The following GANC variants were observed in gnomAD, a reference collection of about 807,000 sequenced individuals.
The protein encoded by GANC is neutral alpha-glucosidase C.
In GANC, 117 loss-of-function variants were observed where a neutral mutation model predicts 124.2. The observed-to-expected ratio is 0.94, with a 90% CI of 0.81 to 1.10. The LOEUF is 1.10. Ranked by LOEUF, GANC falls within the 50% of genes least tolerant of loss-of-function variation. GANC has a pLI of 0.00. For synonymous variants in GANC, 377 were observed against 376.8 expected, an observed-to-expected ratio of 1.00 and a Z score of -0.01; for missense variants, 1,140 against 1,095.0, an observed-to-expected ratio of 1.04 and a Z score of -0.58.
chr15:42,291,146 A>G (rs1470385741), intron 4 of GANC, among the ~76,000 whole-genome samples: 2 of 152,054 alleles, frequency 1.3e-5, no homozygotes, highest in African/African-American at 4.8e-5. Context: ...AAATTATAAG[A>G]CTATATAATG....
intron 6 of GANC, among the ~76,000 whole-genome samples, chr15:42,302,244 A>G (rs1380072948): frequency 6.6e-6 from 1 of 152,244 alleles, no homozygotes; most frequent in African/African-American, 2.4e-5. Context: ...AAACTTCAGC[A>G]GACGTGCAGC....
intron 15 of GANC, among the ~76,000 whole-genome samples, chr15:42,334,551 T>G (rs1595781856): frequency 1.3e-5 from 2 of 152,100 alleles, no homozygotes; most frequent in African/African-American, 2.4e-5. Flanking sequence ...AATGACAAAT[T>G]AGACTTTATC....
chr15:42,306,507 A>G lies in GANC; in HGVS notation c.559-39A>G, dbSNP rs141667276. 3,818 of 1,523,694 alleles carry G rather than the reference A, an allele frequency of 2.5e-3. 102 individuals carry two copies. The East Asian group carries it at 0.047, about 19-fold the overall frequency. The allele number at this position is 1,523,694 out of a possible 1,614,324, so 94.4% of individuals were successfully genotyped here. A position where few individuals can be genotyped will look rare whatever the true frequency, so the allele number is the denominator to read the frequency against. On this transcript the variant is annotated intron_variant, in intron 6 of 23. Coordinates refer to ENST00000318010, the MANE Select transcript of GANC (RefSeq NM_198141.3). ...TATTGTGGTAAACACATTTGTTGCA[A>G]TTTGTAAACTCAGTTTGCTCCCTTT...
At chr15:42,314,159 C>G (rs945216746) in intron 10 of GANC, 1 of 761,448 alleles carries the variant, frequency 1.3e-6, no homozygotes, top group African/African-American at 1.7e-5. Context: ...AAGAAAAATT[C>G]AGATTGGATA....
At chr15:42,333,366 G>A (rs1297501348) in intron 15 of GANC, among the ~76,000 whole-genome samples, 4 of 151,510 alleles carry the variant, frequency 2.6e-5, no homozygotes, top group Admixed American at 1.3e-4. Context: ...GCCATAGGGC[G>A]GCCTAAAATT....
Position 42,292,914 on chromosome 15 carries a change from A to G in GANC, c.509A>G (p.Gln170Arg). 1.2e-6 allele frequency: 2 copies of G among 1,613,672 alleles called. No homozygotes were observed. The highest frequency in any genetic ancestry group is 1.7e-6 in the Non-Finnish European group (2 of 1,179,614). ...YFEHLQILHK[Q>R]RAAKENEEET... ...GAGCATCTACAGATTCTTCACAAAC[A>G]AAGGTATTCTTATGCATTACTTGAC... The change falls in exon 5 of 24, where the codon CAA becomes CGA. Residue 170 changes from glutamine to arginine, a missense_variant. Coordinates refer to ENST00000318010, the MANE Select transcript of GANC (RefSeq NM_198141.3).
At chr15:42,284,333 A>C in intron 3 of GANC, 1 of 262,550 alleles carries the variant, frequency 3.8e-6, no homozygotes, top group Non-Finnish European at 7.2e-6. Context: ...AGACATAGAC[A>C]AAGCTATTTC....
At chr15:42,297,557 A>G (rs935829538) in intron 5 of GANC, 54 bp from the exon 6 acceptor site, 1 of 1,408,102 alleles carries the variant, frequency 7.1e-7, no homozygotes. Context: ...ATCATTGAAC[A>G]AAATTCTGTC....
chr15:42,285,586 G>T (rs1595763672), intron 3 of GANC, among the ~76,000 whole-genome samples: 1 of 152,154 alleles, frequency 6.6e-6, no homozygotes, highest in Admixed American at 6.6e-5. Flanking sequence ...CTGGAGGTCA[G>T]GAGTTTGAGA....
chr15:42,310,029 A>G (rs532010427), intron 8 of GANC, among the ~76,000 whole-genome samples: 2 of 152,226 alleles, frequency 1.3e-5, no homozygotes, highest in African/African-American at 4.8e-5. Context: ...GAAAAAAGAA[A>G]AAGGAGATAT....
Position 42,273,343 on chromosome 15 carries a change from G to C in GANC, c.-1139G>C. ...GAAAAACGACAGTGGTGACGGGTGA[G>C]CTCCCAGAAGCAGAAGAATGACAGG... On this transcript the variant is annotated 5_prime_UTR_variant, in exon 1 of 24. Transcript: ENST00000318010. 1 of 1,614,118 alleles carries C rather than the reference G, an allele frequency of 6.2e-7. No individual in the cohort carries two copies. Among genetic ancestry groups the C allele is most frequent in the Non-Finnish European group, 8.5e-7 (1 of 1,180,034 alleles).
At chr15:42,320,385 C>G (rs773611952) in intron 10 of GANC, among the ~76,000 whole-genome samples, 1 of 151,966 alleles carries the variant, frequency 6.6e-6, no homozygotes, top group Non-Finnish European at 1.5e-5. Flanking sequence ...TGCATTGTTC[C>G]TGTTTTCTTG....
chr15:42,349,462 A>G lies in GANC; in HGVS notation c.2498A>G (p.Lys833Arg), dbSNP rs763854497. Reference sequence around the variant, plus strand: ...CACCAGAAGCAATTTTTGCACAGGAAGTTTTCATTCTGTTCCAGTGTTCTG... The same window carrying G: ...CACCAGAAGCAATTTTTGCACAGGAGGTTTTCATTCTGTTCCAGTGTTCTG... Reference protein sequence around the residue: ...YLHQKQFLHRKFSFCSSVLIN... With the variant: ...YLHQKQFLHRRFSFCSSVLIN... Residue 833 changes from lysine to arginine, a missense_variant, in exon 22 of 24, where the codon AAG becomes AGG. Lys to Arg is a conservative substitution (Grantham distance 26). Transcript: ENST00000318010. 2 of 1,612,528 alleles carry G rather than the reference A, an allele frequency of 1.2e-6. No homozygotes were observed. Among genetic ancestry groups the G allele is most frequent in the South Asian group, 1.1e-5 (1 of 91,044 alleles).
intron 7 of GANC, among the ~76,000 whole-genome samples, chr15:42,307,224 G>C (rs1194956029): frequency 1.3e-5 from 2 of 151,954 alleles, no homozygotes; most frequent in African/African-American, 4.8e-5. Flanking sequence ...TCCCATTCTA[G>C]CCATCATTAT....
intron 3 of GANC, 60 bp from the exon 4 acceptor site, chr15:42,287,631 T>G: frequency 1.9e-6 from 3 of 1,557,666 alleles, no homozygotes; most frequent in South Asian, 1.2e-5. Flanking sequence ...TTGTAATTGG[T>G]GCAAAATTGG....
intron 4 of GANC, among the ~76,000 whole-genome samples, chr15:42,291,643 T>G (rs903875799): frequency 6.6e-6 from 1 of 152,128 alleles, no homozygotes; most frequent in Non-Finnish European, 1.5e-5. Context: ...CTGATTTCAG[T>G]GGAGATAATG....
intron 6 of GANC, 74 bp downstream of exon 6, chr15:42,297,730 T>G: frequency 2.7e-6 from 3 of 1,106,468 alleles, no homozygotes; most frequent in African/African-American, 1.6e-5. Context: ...AGGAATTCTC[T>G]TTCTTCCTTC....
At position 42,280,779 on chromosome 15, in the gene GANC, T is replaced by G. The variant is rs572902155; in HGVS notation, c.201+2189T>G. On this transcript the variant is annotated intron_variant, in intron 3 of 23. Coordinates refer to ENST00000318010, the MANE Select transcript of GANC (RefSeq NM_198141.3). ...AAATGAGGCAAAATCACCCGGAATA[T>G]CAGTGGTGAGCCGAAATGAAAATTC... The G allele has an allele frequency of 4.0e-5, 24 of 605,514 alleles. No individual in the cohort carries two copies. The African/African-American group carries it at 4.1e-4, about 10-fold the overall frequency. The allele number at this position is 605,514 out of a possible 1,614,324, so 37.5% of individuals were successfully genotyped here. A position where few individuals can be genotyped will look rare whatever the true frequency, so the allele number is the denominator to read the frequency against.
chr15:42,333,281 T>C (rs917946851), intron 15 of GANC, among the ~76,000 whole-genome samples: 2 of 151,824 alleles, frequency 1.3e-5, no homozygotes, highest in African/African-American at 4.8e-5. Context: ...TGAGCCAAGA[T>C]TGCACCACTG....
Sources: gnomAD v4.1 joint callset for allele counts (sites outside exome capture counted in the v4.1 genomes callset) on GRCh38, gnomAD v4.1.1 for gene constraint, MANE v1.5 for transcripts, NCBI Gene and HGNC (gene_info 2026-07-23, HGNC 2026-07-21) for gene names.